Variants in FHOD3 observed in about 807,000 individuals in gnomAD.
FHOD3 encodes the protein formin homology 2 domain containing 3, also known as FH1/FH2 domain-containing protein 3.
FHOD3 carries 90 observed loss-of-function variants against 173.0 expected under a neutral mutation model. The ratio of observed to expected loss-of-function variants is 0.52; its 90% CI spans 0.44 to 0.62. The LOEUF (loss-of-function observed/expected upper bound fraction) is 0.62, where lower values mean the gene tolerates loss of function less well. Among genes scored for constraint, FHOD3 ranks in the 20% least tolerant of loss-of-function variants. The probability of loss-of-function intolerance (pLI) is 0.00; values close to 1 mark genes in which losing one functional copy is unlikely to be tolerated. For synonymous variants in FHOD3, 828 were observed against 823.0 expected (o/e 1.01, Z -0.10); for missense variants, 1,945 against 2,034.7 (o/e 0.96, Z 0.85).
Position 36,718,422 on chromosome 18 carries a change from G to A in FHOD3, c.3124G>A (p.Asp1042Asn). Residue 1042 changes from aspartate (D) to asparagine (N), a missense_variant, in exon 19 of 29, where the codon GAC (aspartate) becomes AAC (asparagine). Physicochemically the swap from Asp to Asn is conservative, Grantham distance 23 (BLOSUM62 1). Around this residue, in one of 5 missense-constraint regions of FHOD3, gnomAD observed 1,099 missense variants for 1,051.2 expected, o/e 1.05. Coordinates refer to ENST00000590592, the MANE Select transcript of FHOD3 (RefSeq NM_001281740.3). ...LPPPPPPPLL[D>N]SIPPPPVPGN... The stretch of plus-strand genomic sequence containing the variant: ...GCCCCCACCCCCTCCGCCCCTGTTG[G>A]ACAGCATTCCTCCCCCTCCTGTCCC... 1 of 1,582,070 alleles carries A rather than the reference G, an allele frequency of 6.3e-7. No homozygotes were observed. Among genetic ancestry groups the A allele is most frequent in the Non-Finnish European group, 8.6e-7 (1 of 1,168,044 alleles).
At chr18:36,335,129 C>T (rs1433058383) in intron 1 of FHOD3, among the ~76,000 whole-genome samples, 1 of 152,204 alleles carries the variant, frequency 6.6e-6, no homozygotes, top group Non-Finnish European at 1.5e-5. Context: ...CTGGGCCACA[C>T]TGGCAAAAGA....
chr18:36,671,440 T>C (rs1175482721), intron 14 of FHOD3, among the ~76,000 whole-genome samples: 1 of 152,256 alleles, frequency 6.6e-6, no homozygotes, highest in African/African-American at 2.4e-5. Context: ...GGTTTTTAGT[T>C]GTTTCAGGTA....
At position 36,507,548 on chromosome 18, in the gene FHOD3, G is replaced by C. The variant is rs1700883101; in HGVS notation, c.406-4890G>C. Among the ~76,000 whole-genome samples, 5 of 152,240 alleles carry C rather than the reference G, an allele frequency of 3.3e-5. No homozygotes were observed. The South Asian group carries it at 1.0e-3, about 32-fold the overall frequency. On this transcript the variant is annotated intron_variant, in intron 4 of 28. Transcript: ENST00000590592. ...GTACGGTAGTCTGTGAGCTCACTGG[G>C]GTTCATCGCCAGGCCTTTCGTGCCT...
intron 5 of FHOD3, among the ~76,000 whole-genome samples, chr18:36,532,711 C>A (rs2146901902): frequency 6.6e-6 from 1 of 152,282 alleles, no homozygotes; most frequent in East Asian, 1.9e-4. Context: ...CCCTCGGAGA[C>A]CCACCGGGTC....
intron 5 of FHOD3, among the ~76,000 whole-genome samples, chr18:36,563,391 G>T (rs764651840): frequency 7.2e-5 from 11 of 152,198 alleles, no homozygotes; most frequent in Non-Finnish European, 1.6e-4. Context: ...GGGCTTTCGA[G>T]TAATGTTACC....
chr18:36,733,864 A>T (rs2041497261), intron 20 of FHOD3, among the ~76,000 whole-genome samples: 1 of 152,176 alleles, frequency 6.6e-6, no homozygotes, highest in South Asian at 2.1e-4. Flanking sequence ...TCCCAGCATT[A>T]GTGTGTGCCC....
At chr18:36,636,315 G>A (rs776628675) in intron 10 of FHOD3, among the ~76,000 whole-genome samples, 2 of 152,148 alleles carry the variant, frequency 1.3e-5, no homozygotes, top group African/African-American at 2.4e-5. Context: ...GCTATCTAAG[G>A]AGTACTAAGC....
intron 5 of FHOD3, among the ~76,000 whole-genome samples, chr18:36,526,789 T>A (rs2056536931): frequency 6.6e-6 from 1 of 152,226 alleles, no homozygotes; most frequent in Non-Finnish European, 1.5e-5. Context: ...GATACTTGAA[T>A]CAAATACTCA....
At chr18:36,745,737 C>T (rs1352554772) in intron 23 of FHOD3, among the ~76,000 whole-genome samples, 1 of 150,050 alleles carries the variant, frequency 6.7e-6, no homozygotes, top group Non-Finnish European at 1.5e-5. Flanking sequence ...CCTCTGTGCA[C>T]CTCCCGCTCA....
At chr18:36,588,654 A>G (rs1286813927) in intron 6 of FHOD3, among the ~76,000 whole-genome samples, 1 of 152,232 alleles carries the variant, frequency 6.6e-6, no homozygotes, top group Non-Finnish European at 1.5e-5. Context: ...AACGAGCAGC[A>G]TATTTGACCT....
At chr18:36,764,186 G>C (rs2043043787) in intron 27 of FHOD3, among the ~76,000 whole-genome samples, 1 of 152,186 alleles carries the variant, frequency 6.6e-6, no homozygotes, top group Non-Finnish European at 1.5e-5. Context: ...GAGAGAGTGT[G>C]TGTAAACAAG....
chr18:36,678,546 A>AAAG (rs1433335399), intron 14 of FHOD3, among the ~76,000 whole-genome samples: 1 of 145,604 alleles, frequency 6.9e-6, no homozygotes, highest in Non-Finnish European at 1.5e-5. Context: ...AAAAAAAAAA[A>AAAG]AAGAAGAAAG....
At chr18:36,671,715 A>G (rs2037547176) in intron 14 of FHOD3, among the ~76,000 whole-genome samples, 1 of 152,222 alleles carries the variant, frequency 6.6e-6, no homozygotes, top group Non-Finnish European at 1.5e-5. Flanking sequence ...GGCATTGCTC[A>G]TATCACTGAA....
chr18:36,574,629 T>A (rs1239014195), intron 5 of FHOD3, among the ~76,000 whole-genome samples: 3 of 152,122 alleles, frequency 2.0e-5, no homozygotes, highest in Non-Finnish European at 4.4e-5. Flanking sequence ...ATTCTGTGAA[T>A]TTTTTTATTG....
At chr18:36,685,391 A>G (rs2038540903) in intron 15 of FHOD3, among the ~76,000 whole-genome samples, 1 of 152,256 alleles carries the variant, frequency 6.6e-6, no homozygotes, top group Admixed American at 6.5e-5. Context: ...CAAAAAATAA[A>G]TAGGAAAAGC....
At chr18:36,305,498 G>A (rs2092068168) in intron 1 of FHOD3, among the ~76,000 whole-genome samples, 2 of 152,326 alleles carry the variant, frequency 1.3e-5, no homozygotes, top group Middle Eastern at 6.8e-3. Context: ...AACTCCTGTG[G>A]TGCTGAGGTG....
chr18:36,459,698 A>G (rs1392189527), intron 3 of FHOD3, among the ~76,000 whole-genome samples: 2 of 152,172 alleles, frequency 1.3e-5, no homozygotes, highest in Non-Finnish European at 2.9e-5. Flanking sequence ...ATAGCTTTAA[A>G]ATAGTTTTAG....
chr18:36,301,464 A>G (rs1179673450), intron 1 of FHOD3, among the ~76,000 whole-genome samples: 1 of 152,240 alleles, frequency 6.6e-6, no homozygotes, highest in Non-Finnish European at 1.5e-5. Flanking sequence ...GTTCTAGGGA[A>G]TATGATTAAA....
chr18:36,428,661 T>G (rs562130701), intron 3 of FHOD3, among the ~76,000 whole-genome samples: 25 of 152,304 alleles, frequency 1.6e-4, no homozygotes, highest in African/African-American at 6.0e-4. Context: ...CTAGGGCAAG[T>G]GCCACACCTC....
Sources: gnomAD v4.1 joint callset for allele counts (sites outside exome capture counted in the v4.1 genomes callset) on GRCh38, gnomAD v4.1.1 for gene constraint, gnomAD v4.1.1 regional missense constraint, MANE v1.5 for transcripts, NCBI Gene and HGNC (gene_info 2026-07-23, HGNC 2026-07-21) for gene names.